The following INTS4 variants were observed in gnomAD, a reference collection of about 807,000 sequenced individuals.
INTS4 encodes MSTP093.
INTS4 carries 70 observed loss-of-function variants against 119.5 expected under a neutral mutation model. The observed-to-expected ratio is 0.59, with a 90% CI of 0.48 to 0.71. The LOEUF is 0.71. Ranked by LOEUF, INTS4 falls within the 30% of genes least tolerant of loss-of-function variation. INTS4 has a pLI of 0.00. For missense variants in INTS4, 867 were observed against 1,173.2 expected (o/e 0.74, Z 3.81); for synonymous variants, 316 against 419.6 (o/e 0.75, Z 3.02).
intron 9 of INTS4, among the ~76,000 whole-genome samples, chr11:77,939,724 A>G (rs539476430): frequency 1.6e-4 from 24 of 152,164 alleles, no homozygotes; most frequent in South Asian, 6.2e-4. Flanking sequence ...ACACACCTGT[A>G]GTCCCAGCTA....
chr11:77,908,698 T>C (rs1953021256), intron 15 of INTS4, among the ~76,000 whole-genome samples: 1 of 152,174 alleles, frequency 6.6e-6, no homozygotes, highest in Non-Finnish European at 1.5e-5. Context: ...ATGTAAAAAC[T>C]ATATAGAGGA....
At chr11:77,976,818 T>A (rs925704497) in intron 4 of INTS4, among the ~76,000 whole-genome samples, 1 of 152,100 alleles carries the variant, frequency 6.6e-6, no homozygotes, top group Non-Finnish European at 1.5e-5. Flanking sequence ...CAGCAAACTA[T>A]TGCAAGGACA....
intron 18 of INTS4, among the ~76,000 whole-genome samples, chr11:77,895,809 G>C (rs182362605): frequency 6.6e-6 from 1 of 152,130 alleles, no homozygotes; most frequent in East Asian, 1.9e-4. Flanking sequence ...CTCCCCAAAC[G>C]TCAAAAAAGA....
chr11:77,987,895 C>T (rs531799927), intron 2 of INTS4, among the ~76,000 whole-genome samples: 3 of 152,170 alleles, frequency 2.0e-5, no homozygotes, highest in African/African-American at 7.2e-5. Flanking sequence ...GTGGTTCATG[C>T]CTGTAATCCC....
At chr11:77,991,355 A>C in intron 1 of INTS4, 56 bp from the exon 2 acceptor site, 2 of 1,362,434 alleles carry the variant, frequency 1.5e-6, no homozygotes, top group Non-Finnish European at 2.1e-6. Flanking sequence ...ACTTTGCCTC[A>C]TTTGGTGGAA....
intron 8 of INTS4, among the ~76,000 whole-genome samples, chr11:77,946,691 G>A (rs952524490): frequency 1.3e-5 from 2 of 151,392 alleles, no homozygotes; most frequent in Non-Finnish European, 2.9e-5. Context: ...AACCCAGGAG[G>A]AGAAGGTTGC....
chr11:77,915,721 C>T (rs1002155676), intron 15 of INTS4, among the ~76,000 whole-genome samples: 7 of 152,188 alleles, frequency 4.6e-5, no homozygotes, highest in Admixed American at 1.3e-4. Context: ...CTGGATTTGG[C>T]TCACTCACTC....
chr11:77,993,166 G>A (rs575513452), intron 1 of INTS4, among the ~76,000 whole-genome samples: 7 of 152,272 alleles, frequency 4.6e-5, no homozygotes, highest in African/African-American at 9.6e-5. Flanking sequence ...TCCAGGACAC[G>A]GAGATGAGCC....
At chr11:77,923,306 ACT>A (rs1170340797) in intron 12 of INTS4, among the ~76,000 whole-genome samples, 2 of 110,376 alleles carry the variant, frequency 1.8e-5, no homozygotes, top group African/African-American at 4.0e-5. Context: ...ATAAAGAGAG[ACT>A]CTGTCTCAAA....
At chr11:77,940,934 T>C (rs376288162) in intron 9 of INTS4, among the ~76,000 whole-genome samples, 2 of 152,140 alleles carry the variant, frequency 1.3e-5, no homozygotes, top group East Asian at 3.9e-4. Flanking sequence ...TGCACCTGGC[T>C]TAGAAAATTA....
At chr11:77,886,533 C>A (rs1331904333) in intron 21 of INTS4, among the ~76,000 whole-genome samples, 2 of 152,178 alleles carry the variant, frequency 1.3e-5, no homozygotes, top group African/African-American at 2.4e-5. Context: ...GCGGGAGTAA[C>A]TATGACTCTC....
At chr11:77,920,669 G>A (rs1204803773) in intron 14 of INTS4, among the ~76,000 whole-genome samples, 4 of 151,780 alleles carry the variant, frequency 2.6e-5, no homozygotes, top group East Asian at 3.9e-4. Flanking sequence ...TGGCTAACAC[G>A]GTGAAACCCT....
intron 4 of INTS4, among the ~76,000 whole-genome samples, chr11:77,963,812 T>C (rs1359215887): frequency 6.6e-6 from 1 of 152,130 alleles, no homozygotes; most frequent in Admixed American, 6.6e-5. Context: ...GTCTCCTGAG[T>C]AGCTGGGGAC....
At chr11:77,875,163 C>T (rs898853980), downstream of INTS4, among the ~76,000 whole-genome samples, 10 of 152,104 alleles carry the variant, frequency 6.6e-5, no homozygotes, top group Non-Finnish European at 1.2e-4. Context: ...AAACCTGAAT[C>T]TTTTTTTGCA....
chr11:77,928,680 C>T (rs1381003623), intron 10 of INTS4, 133 bp from the exon 11 acceptor site: 1 of 1,380,732 alleles, frequency 7.2e-7, no homozygotes, highest in Non-Finnish European at 9.7e-7. Context: ...AACTCTGTTT[C>T]TACCAAAAAT....
intron 3 of INTS4, among the ~76,000 whole-genome samples, chr11:77,980,573 C>G (rs1856165633): frequency 6.6e-6 from 1 of 152,106 alleles, no homozygotes. Flanking sequence ...GAGACAAGAT[C>G]TAATTATGTT....
chr11:77,885,824 A>T (rs1046238317), intron 21 of INTS4, among the ~76,000 whole-genome samples: 1 of 151,956 alleles, frequency 6.6e-6, no homozygotes, highest in Non-Finnish European at 1.5e-5. Flanking sequence ...TGTCTCAAAA[A>T]AAAGAAAGAA....
At chr11:77,935,750 G>C (rs958370525) in intron 10 of INTS4, among the ~76,000 whole-genome samples, 3 of 151,918 alleles carry the variant, frequency 2.0e-5, no homozygotes, top group Non-Finnish European at 2.9e-5. Flanking sequence ...ACAAAAATTA[G>C]CCAGGTGTGG....
At position 77,981,190 on chromosome 11, in the gene INTS4, C is replaced by CAAAAAAAAAAAAAA. The variant is rs35194381; in HGVS notation, c.364+255_364+268dup. On this transcript the variant is annotated intron_variant, in intron 3 of 22. Coordinates refer to ENST00000534064, the MANE Select transcript of INTS4 (RefSeq NM_033547.4). ...TGCCTCAAAACAAAAAACAAACAAG[C>CAAAAAAAAAAAAAA]AAAAAAAAAAAAAAAAAAAGGGACA... Among the ~76,000 whole-genome samples the CAAAAAAAAAAAAAA allele has an allele frequency of 5.6e-5, 5 of 88,838 alleles. 1 individual carries two copies. Among genetic ancestry groups the CAAAAAAAAAAAAAA allele is most frequent in the African/African-American group, 1.2e-4 (3 of 24,084 alleles). 58.3% of individuals were successfully genotyped at this position (88,838 alleles called of 152,430 possible). A position where few individuals can be genotyped will look rare whatever the true frequency, so the allele number is the denominator to read the frequency against.
Sources: gnomAD v4.1 joint callset for allele counts (sites outside exome capture counted in the v4.1 genomes callset) on GRCh38, gnomAD v4.1.1 for gene constraint, MANE v1.5 for transcripts, NCBI Gene and HGNC (gene_info 2026-07-23, HGNC 2026-07-21) for gene names.